The following ITGA8 variants were observed in gnomAD, a reference collection of about 807,000 sequenced individuals.
ITGA8 encodes integrin subunit alpha 8, also known as integrin alpha-8.
Under a neutral mutation model 142.3 loss-of-function variants are expected in ITGA8, and 91 were observed. The ratio of observed to expected loss-of-function variants is 0.64; its 90% confidence interval spans 0.54 to 0.76. The LOEUF (loss-of-function observed/expected upper bound fraction) is 0.76, where lower values mean the gene tolerates loss of function less well. ITGA8 is among the 30% of genes least tolerant of loss of function. The pLI, the probability that ITGA8 is intolerant of heterozygous loss-of-function variation, is 0.00. For missense variants in ITGA8, 1,406 were observed against 1,327.7 expected (o/e 1.06, Z -0.92); for synonymous variants, 505 against 485.2 (o/e 1.04, Z -0.54).
Position 15,644,158 on chromosome 10 carries a change from C to T in ITGA8, c.1271G>A (p.Gly424Glu), listed in dbSNP as rs1334522303. Residue 424 changes from glycine to glutamate, a missense_variant, in exon 13 of 30, where the codon GGG becomes GAG. By Grantham distance (98) the Gly-to-Glu change is moderately conservative. Coordinates refer to ENST00000378076, the MANE Select transcript of ITGA8 (RefSeq NM_003638.3). Reference protein sequence around the residue: ...DQRGKVLIYNGNKDGLNTKPS... With the variant: ...DQRGKVLIYNENKDGLNTKPS... ...CTTGGTGTTTAAGCCATCTTTGTTC[C>T]CATTATAAATGAGCACTTTGCCTCT... The T allele has an allele frequency of 6.2e-7, 1 of 1,614,052 alleles. No homozygotes were observed. Among genetic ancestry groups the T allele is most frequent in the South Asian group, 1.1e-5 (1 of 91,070 alleles).
At chr10:15,676,989 A>C (rs2131694169) in intron 6 of ITGA8, among the ~76,000 whole-genome samples, 1 of 152,362 alleles carries the variant, frequency 6.6e-6, no homozygotes, top group Middle Eastern at 3.4e-3. Context: ...AGCCTGGGCA[A>C]CAAGAGTGAA....
At position 15,544,190 on chromosome 10, in the gene ITGA8, C is replaced by T. The variant is rs1027922950; in HGVS notation, c.2880+4265G>A. On this transcript the variant is annotated intron_variant, in intron 27 of 29. Transcript: ENST00000378076. ...CCAGGCACCTGTAGTCCCAGCTACT[C>T]AGGAAGCTGAGGTGGGAGGGTTGTC... is the stretch of plus-strand genomic sequence containing the variant. 5.3e-5 allele frequency among the ~76,000 whole-genome samples: 8 copies of T among 152,054 alleles called. No homozygotes were observed. The East Asian group carries it at 1.5e-3, about 29-fold the overall frequency.
intron 4 of ITGA8, among the ~76,000 whole-genome samples, chr10:15,682,845 C>T (rs1301042970): frequency 2.0e-5 from 2 of 101,372 alleles, no homozygotes; most frequent in South Asian, 4.1e-4. Context: ...CAGAGTGAGA[C>T]CCTGTCTCAA....
At chr10:15,698,305 C>T (rs1300210579) in intron 2 of ITGA8, among the ~76,000 whole-genome samples, 2 of 152,096 alleles carry the variant, frequency 1.3e-5, no homozygotes, top group Admixed American at 1.3e-4. Flanking sequence ...TTGATCCACT[C>T]GTTGATTGAT....
chr10:15,591,775 A>G (rs1832927351), intron 22 of ITGA8, among the ~76,000 whole-genome samples: 1 of 152,340 alleles, frequency 6.6e-6, no homozygotes, highest in South Asian at 2.1e-4. Context: ...ATCCTGCCAC[A>G]GTGCGCATAG....
intron 27 of ITGA8, among the ~76,000 whole-genome samples, chr10:15,532,046 T>TG (rs1554769425): frequency 3.1e-4 from 30 of 96,576 alleles, no homozygotes; most frequent in East Asian, 2.1e-3. Flanking sequence ...AGGGTGGGGG[T>TG]GGGGGGGCCT....
chr10:15,635,331 C>T (rs139154812), intron 13 of ITGA8, among the ~76,000 whole-genome samples: 36 of 152,154 alleles, frequency 2.4e-4, no homozygotes, highest in African/African-American at 8.7e-4. Flanking sequence ...AAAGATAGAT[C>T]CTTAATAATC....
intron 13 of ITGA8, 113 bp downstream of exon 13, chr10:15,643,917 T>C (rs1212999632): frequency 2.2e-6 from 2 of 892,544 alleles, no homozygotes; most frequent in African/African-American, 1.7e-5. Context: ...GTGGCATGCT[T>C]AAGCTTCAGC....
At chr10:15,552,850 C>T (rs1332348680) in intron 26 of ITGA8, among the ~76,000 whole-genome samples, 1 of 151,908 alleles carries the variant, frequency 6.6e-6, no homozygotes, top group African/African-American at 2.4e-5. Flanking sequence ...TTCTATTGTA[C>T]ACCATGGAAG....
chr10:15,625,457 T>C (rs372599457), intron 13 of ITGA8, among the ~76,000 whole-genome samples: 2 of 123,420 alleles, frequency 1.6e-5, no homozygotes, highest in Admixed American at 8.1e-5. Flanking sequence ...GTCTGTGCAA[T>C]TGCTGAAAGC....
intron 23 of ITGA8, among the ~76,000 whole-genome samples, chr10:15,579,968 T>C (rs1834375464): frequency 6.7e-6 from 1 of 149,640 alleles, no homozygotes; most frequent in Admixed American, 6.6e-5. Flanking sequence ...GGAGAGAAAG[T>C]CAAATCCAAA....
At chr10:15,521,747 A>G (rs1833075644) in intron 28 of ITGA8, among the ~76,000 whole-genome samples, 1 of 152,250 alleles carries the variant, frequency 6.6e-6, no homozygotes, top group Non-Finnish European at 1.5e-5. Context: ...CCACTGTTTA[A>G]GGATGAGAAA....
Position 15,578,282 on chromosome 10 carries a change from T to C in ITGA8, c.2373-2688A>G, listed in dbSNP as rs77169124. 7.4e-3 allele frequency among the ~76,000 whole-genome samples: 1,129 copies of C among 152,230 alleles called. 23 individuals are homozygous for C. The highest frequency in any genetic ancestry group is 0.026 in the African/African-American group (1,080 of 41,540). ...ATAATTGGAATCATACAGGATGCAA[T>C]CTTTTGGGATTGGCTTTTTTGACTC... is the stretch of plus-strand genomic sequence containing the variant. On this transcript the variant is annotated intron_variant, in intron 23 of 29. Coordinates refer to ENST00000378076, the MANE Select transcript of ITGA8 (RefSeq NM_003638.3).
chr10:15,688,414 T>C (rs1016035149), intron 2 of ITGA8, among the ~76,000 whole-genome samples: 1 of 151,476 alleles, frequency 6.6e-6, no homozygotes, highest in African/African-American at 2.4e-5. Flanking sequence ...GAGGTTGCAG[T>C]GAACTGAGAT....
chr10:15,682,658 C>A (rs922480263), intron 4 of ITGA8, among the ~76,000 whole-genome samples: 14 of 152,038 alleles, frequency 9.2e-5, no homozygotes, highest in African/African-American at 3.4e-4. Flanking sequence ...AGTTCAAGAC[C>A]AGCCTGGACA....
intron 26 of ITGA8, among the ~76,000 whole-genome samples, chr10:15,555,549 C>T (rs552016691): frequency 2.6e-5 from 4 of 152,290 alleles, no homozygotes; most frequent in South Asian, 2.1e-4. Context: ...TCACAGTTTC[C>T]GGGATGAACC....
Position 15,677,582 on chromosome 10 carries a change from C to T in ITGA8, c.676+10G>A. Reference sequence around the variant, plus strand: ...CAAATGTGCTTTTCTTGTCTGCCAACAGAACATACCTTGCCAGTAGAAACT... The same window carrying T: ...CAAATGTGCTTTTCTTGTCTGCCAATAGAACATACCTTGCCAGTAGAAACT... On this transcript the variant is annotated intron_variant, in intron 6 of 29. Transcript: ENST00000378076. 3 of 1,611,500 alleles carry T rather than the reference C, an allele frequency of 1.9e-6. No individual in the cohort carries two copies. Among genetic ancestry groups the T allele is most frequent in the Non-Finnish European group, 1.7e-6 (2 of 1,178,726 alleles).
Position 15,517,031 on chromosome 10 carries a change from CAGG to C in ITGA8, c.*124_*126del. 6.0e-5 allele frequency: 29 copies of C among 483,462 alleles called. No homozygotes were observed. Among genetic ancestry groups the C allele is most frequent in the South Asian group, 1.3e-4 (3 of 22,772 alleles). 29.9% of individuals were successfully genotyped at this position (483,462 alleles called of 1,614,324 possible). A position where few individuals can be genotyped will look rare whatever the true frequency, so the allele number is the denominator to read the frequency against. ...TGCGGTGTAGATGAGGTGATGTTTC[CAGG>C]GTCCCCTCCATTTCCTGGGTCACTG... On this transcript the variant is annotated 3_prime_UTR_variant, in exon 30 of 30. Transcript: ENST00000378076.
chr10:15,584,921 G>A (rs1382353449), intron 23 of ITGA8, among the ~76,000 whole-genome samples: 2 of 152,118 alleles, frequency 1.3e-5, no homozygotes, highest in Admixed American at 1.3e-4. Context: ...GCCGGGCGTG[G>A]TGCATGCCTG....
Sources: gnomAD v4.1 joint callset for allele counts (sites outside exome capture counted in the v4.1 genomes callset) on GRCh38, gnomAD v4.1.1 for gene constraint, MANE v1.5 for transcripts, NCBI Gene and HGNC (gene_info 2026-07-23, HGNC 2026-07-21) for gene names.